The following BNIP3L variants were observed in gnomAD, a reference collection of about 807,000 sequenced individuals.
BNIP3L encodes BCL2 interacting protein 3 like, also known as BCL2/adenovirus E1B 19 kDa protein-interacting protein 3-like.
A neutral mutation model predicts 25.5 loss-of-function variants in BNIP3L; 10 were observed. The ratio of observed to expected loss-of-function variants is 0.39; its 90% CI spans 0.24 to 0.67. The LOEUF (loss-of-function observed/expected upper bound fraction) is 0.67. Among genes scored for constraint, BNIP3L ranks in the 30% least tolerant of loss-of-function variants. The pLI, the probability that BNIP3L is intolerant of heterozygous loss-of-function variation, is 0.45. For missense variants in BNIP3L, 215 were observed against 270.9 expected, an observed-to-expected ratio of 0.79 and a Z score of 1.45; for synonymous variants, 113 against 101.2, an observed-to-expected ratio of 1.12 and a Z score of -0.70.
At chr8:26,402,978 A>G (rs1032648621) in intron 3 of BNIP3L, among the ~76,000 whole-genome samples, 15 of 152,310 alleles carry the variant, frequency 9.8e-5, no homozygotes, top group African/African-American at 3.4e-4. Context: ...TCTAGAGTTG[A>G]ATGCATCTAC....
intron 1 of BNIP3L, chr8:26,390,433 T>G (rs1193921622): frequency 2.0e-6 from 2 of 985,322 alleles, no homozygotes; most frequent in Non-Finnish European, 2.4e-6. Flanking sequence ...TGCAGTTGTT[T>G]CTGCTCCCAA....
chr8:26,389,433 G>C (rs1806058759), intron 1 of BNIP3L, among the ~76,000 whole-genome samples: 1 of 151,942 alleles, frequency 6.6e-6, no homozygotes, highest in South Asian at 2.1e-4. Context: ...AGCTTTGCTA[G>C]TTGTATTTGT....
chr8:26,401,426 G>A (rs1386689742), intron 3 of BNIP3L, among the ~76,000 whole-genome samples: 1 of 151,794 alleles, frequency 6.6e-6, no homozygotes, highest in Non-Finnish European at 1.5e-5. Flanking sequence ...TGGGGAGCGG[G>A]GAGGGGGGAA....
intron 2 of BNIP3L, 133 bp from the exon 3 acceptor site, chr8:26,395,097 G>T (rs1323955459): frequency 2.5e-6 from 2 of 802,628 alleles, no homozygotes; most frequent in Non-Finnish European, 3.9e-6. Context: ...CTTGTATAGG[G>T]TTATGATATA....
chr8:26,406,234 G>T (rs189211684), intron 3 of BNIP3L, among the ~76,000 whole-genome samples: 1 of 152,214 alleles, frequency 6.6e-6, no homozygotes, highest in Admixed American at 6.5e-5. Flanking sequence ...GTTAAATTCT[G>T]ACTCAACTTA....
intron 1 of BNIP3L, among the ~76,000 whole-genome samples, chr8:26,385,023 C>T (rs932940819): frequency 1.7e-4 from 26 of 152,054 alleles, no homozygotes; most frequent in Non-Finnish European, 3.7e-4. Context: ...TCACGTCATC[C>T]GCCCGCCTGG....
chr8:26,399,917 A>G (rs1178897754), intron 3 of BNIP3L, among the ~76,000 whole-genome samples: 1 of 147,964 alleles, frequency 6.8e-6, no homozygotes, highest in Non-Finnish European at 1.5e-5. Flanking sequence ...ATAAAAGAGG[A>G]TACAAAGAAA....
At chr8:26,403,673 A>T (rs1277282980) in intron 3 of BNIP3L, among the ~76,000 whole-genome samples, 2 of 151,922 alleles carry the variant, frequency 1.3e-5, no homozygotes, top group African/African-American at 2.4e-5. Context: ...AGTAGCTGGG[A>T]CTACAGGCTC....
chr8:26,405,090 A>G (rs1350324932), intron 3 of BNIP3L, among the ~76,000 whole-genome samples: 1 of 152,196 alleles, frequency 6.6e-6, no homozygotes, highest in African/African-American at 2.4e-5. Flanking sequence ...TTGTCCAGAG[A>G]TAACTTTGCT....
At chr8:26,396,606 G>A (rs1341786029) in intron 3 of BNIP3L, among the ~76,000 whole-genome samples, 5 of 150,034 alleles carry the variant, frequency 3.3e-5, no homozygotes, top group Non-Finnish European at 5.9e-5. Flanking sequence ...CACCAGCAAC[G>A]GAACAAAGCT....
chr8:26,384,547 A>T (rs781132717), intron 1 of BNIP3L, among the ~76,000 whole-genome samples: 27 of 152,148 alleles, frequency 1.8e-4, no homozygotes, highest in Non-Finnish European at 2.6e-4. Context: ...TTATTTGCCC[A>T]TGTTTAGCAT....
chr8:26,390,621 T>C (rs1806085828), intron 1 of BNIP3L: 1 of 890,894 alleles, frequency 1.1e-6, no homozygotes, highest in Admixed American at 6.2e-5. Context: ...TTCTGAATTT[T>C]TAGCATTATT....
chr8:26,392,569 C>T (rs1181211519), intron 2 of BNIP3L, among the ~76,000 whole-genome samples: 1 of 151,972 alleles, frequency 6.6e-6, no homozygotes, highest in Non-Finnish European at 1.5e-5. Context: ...CACTGTGCAC[C>T]CCCGCCACCC....
At position 26,383,146 on chromosome 8, in the gene BNIP3L, G is replaced by C; in HGVS notation, c.16G>C (p.Val6Leu). 6.2e-7 allele frequency: 1 copy of C among 1,611,654 alleles called. No homozygotes were observed. The highest frequency in any genetic ancestry group is 8.5e-7 in the Non-Finnish European group (1 of 1,179,548). Residue 6 changes from valine (V) to leucine (L), a missense_variant, in exon 1 of 6, where the codon GTC (valine) becomes CTC (leucine). Coordinates refer to ENST00000380629, the MANE Select transcript of BNIP3L (RefSeq NM_004331.3). MSSHL[V>L]EPPPPLHNNN... ...CTGTCCGACAATGTCGTCCCACCTA[G>C]TCGAGCCGCCGCCGCCCCTGCACAA...
chr8:26,402,995 A>G (rs1390179782), intron 3 of BNIP3L, among the ~76,000 whole-genome samples: 2 of 152,212 alleles, frequency 1.3e-5, no homozygotes, highest in African/African-American at 2.4e-5. Context: ...CTACCCTGGA[A>G]TTCCAAAGGA....
intron 3 of BNIP3L, among the ~76,000 whole-genome samples, chr8:26,404,766 C>T (rs1455355287): frequency 6.6e-6 from 1 of 152,234 alleles, no homozygotes; most frequent in African/African-American, 2.4e-5. Context: ...CCTCGGCCTC[C>T]CTAAGTGCTG....
intron 3 of BNIP3L, among the ~76,000 whole-genome samples, chr8:26,400,489 C>T (rs1019563234): frequency 8.2e-6 from 1 of 121,446 alleles, no homozygotes; most frequent in Admixed American, 8.6e-5. Flanking sequence ...CATTACCATT[C>T]AGGACATAGG....
intron 2 of BNIP3L, among the ~76,000 whole-genome samples, chr8:26,392,821 G>T (rs1301212328): frequency 6.6e-6 from 1 of 152,092 alleles, no homozygotes; most frequent in African/African-American, 2.4e-5. Flanking sequence ...CAGGTGTGTG[G>T]GCCTTGATCA....
chr8:26,385,468 T>G (rs1022237167), intron 1 of BNIP3L, among the ~76,000 whole-genome samples: 6 of 151,642 alleles, frequency 4.0e-5, no homozygotes, highest in African/African-American at 1.5e-4. Flanking sequence ...CCTGGCTTGG[T>G]GTTGGGCGCC....
Sources: allele counts gnomAD v4.1 joint callset (sites outside exome capture counted in the v4.1 genomes callset), GRCh38; gene constraint gnomAD v4.1.1; transcripts MANE v1.5; gene names NCBI Gene and HGNC (gene_info 2026-07-23, HGNC 2026-07-21).